RELN: variants seen among roughly 807,000 people sequenced by gnomAD.
RELN encodes reelin.
Under a neutral mutation model 427.6 loss-of-function variants are expected in RELN, and 108 were observed. That is an observed-to-expected ratio of 0.25 (90% confidence interval 0.22 to 0.30). RELN has a LOEUF of 0.30. RELN is among the 10% of genes least tolerant of loss of function. The pLI is 1.00. For synonymous variants in RELN, 1,524 were observed against 1,513.4 expected (o/e 1.01, Z -0.16); for missense variants, 3,715 against 4,302.8 (o/e 0.86, Z 3.82).
chr7:103,851,172 A>G (rs1193952534), intron 2 of RELN, among the ~76,000 whole-genome samples: 4 of 152,244 alleles, frequency 2.6e-5, no homozygotes, highest in South Asian at 4.1e-4. Context: ...GAATGAACTA[A>G]CAGCATTTGC....
At chr7:103,883,667 T>A (rs929586906) in intron 2 of RELN, among the ~76,000 whole-genome samples, 4 of 152,048 alleles carry the variant, frequency 2.6e-5, no homozygotes, top group African/African-American at 9.7e-5. Flanking sequence ...AAATCATGAG[T>A]GAACTACCAT....
In RELN at chr7:103,857,307, G is replaced by T. The variant is rs1006577834; in HGVS notation, c.338-23635C>A. ...AATTTTATGAATGTTTTTAAGAAAT[G>T]AGGAGAGCACCATAGCAGTATTGTG... is the stretch of plus-strand genomic sequence containing the variant. On this transcript the variant is annotated intron_variant, in intron 2 of 64. Coordinates refer to ENST00000428762, the MANE Select transcript of RELN (RefSeq NM_005045.4). Among the ~76,000 whole-genome samples, 3 of 152,192 alleles carry T rather than the reference G, an allele frequency of 2.0e-5. 1 individual carries two copies. In the South Asian group the frequency reaches 6.2e-4, roughly 32 times the overall value.
At chr7:103,689,272 C>T (rs1225303273) in intron 10 of RELN, among the ~76,000 whole-genome samples, 1 of 150,666 alleles carries the variant, frequency 6.6e-6, no homozygotes, top group African/African-American at 2.5e-5. Context: ...AAAAGATTAG[C>T]AGGTGCAGGC....
chr7:103,860,588 CAGT>C (rs1212841731), intron 2 of RELN, among the ~76,000 whole-genome samples: 22 of 152,112 alleles, frequency 1.4e-4, no homozygotes, highest in African/African-American at 5.3e-4. Context: ...ATAGCAGCAG[CAGT>C]ATGGCAGACG....
At chr7:103,958,858 G>A (rs73405640) in intron 1 of RELN, among the ~76,000 whole-genome samples, 5,210 of 152,226 alleles carry the variant, frequency 0.034, 281 homozygotes, top group African/African-American at 0.12. Flanking sequence ...AACAAAGTGA[G>A]GTCTGAGGCT....
intron 46 of RELN, among the ~76,000 whole-genome samples, chr7:103,529,856 AATTT>A (rs1405775299): frequency 3.3e-5 from 5 of 152,168 alleles, no homozygotes; most frequent in African/African-American, 1.2e-4. Flanking sequence ...GAAACTTTTA[AATTT>A]ATTACTCTCT....
chr7:103,699,445 C>T (rs1834045649), intron 9 of RELN, among the ~76,000 whole-genome samples: 2 of 152,082 alleles, frequency 1.3e-5, no homozygotes, highest in Non-Finnish European at 1.5e-5. Flanking sequence ...TTCACTCTAA[C>T]CTCCACTGGT....
chr7:103,539,099 A>C lies in RELN; in HGVS notation c.7159T>G (p.Ser2387Ala). 1 of 1,614,186 alleles carries C rather than the reference A, an allele frequency of 6.2e-7. No individual in the cohort carries two copies. The highest frequency in any genetic ancestry group is 8.5e-7 in the Non-Finnish European group (1 of 1,180,016). Residue 2387 changes from serine to alanine, a missense_variant, in exon 45 of 65, where the codon TCA (serine) becomes GCA (alanine). By Grantham distance (99) the Ser-to-Ala change is moderately conservative. Around this residue, in one of 4 missense-constraint regions of RELN, gnomAD observed 1,310 missense variants for 1,643.0 expected, o/e 0.80. Transcript: ENST00000428762. ...TCACCATAACAAGAGTCTGTGACTG[A>C]GCAGGAGGCAGCGAAGTCTATCTGT... ...FLQIDFAASC[S>A]VTDSCYAIEL...
chr7:103,598,938 G>A (rs566624025), intron 24 of RELN, among the ~76,000 whole-genome samples: 4 of 152,240 alleles, frequency 2.6e-5, no homozygotes, highest in Non-Finnish European at 5.9e-5. Flanking sequence ...GTGTGTGTGC[G>A]CATATGTGTT....
Position 103,589,816 on chromosome 7 carries a change from A to T in RELN, c.3925T>A (p.Cys1309Ser). 1 of 1,602,874 alleles carries T rather than the reference A, an allele frequency of 6.2e-7. No individual in the cohort carries two copies. Among genetic ancestry groups the T allele is most frequent in the Non-Finnish European group, 8.5e-7 (1 of 1,169,752 alleles). ...YVLQFKLNIG[C>S]ANQFSSTAPV... ...GCAGTACTGCTGAATTGATTGGCAC[A>T]ACCTATGTTTAGCTGTTAAAAGGAA... Residue 1309 changes from cysteine (C) to serine (S), a missense_variant, in exon 28 of 65, where the codon TGT becomes AGT. Transcript: ENST00000428762.
rs1830947525 is a variant in RELN, at chr7:103,574,262, G to A, written c.4341C>T (p.His1447=). The stretch of plus-strand genomic sequence containing the variant: ...CCTCAAACCTATCGAACATCTCATT[G>A]TGATTGGGGACATTTGACACACAGG... ...QGTCVSNVPN[H]NEMFDRFEGK... Residue 1447 remains histidine (H), a synonymous_variant, in exon 30 of 65, where the codon CAC becomes CAT. Transcript: ENST00000428762. The A allele has an allele frequency of 6.2e-7, 1 of 1,613,992 alleles. No homozygotes were observed. The highest frequency in any genetic ancestry group is 1.3e-5 in the African/African-American group (1 of 74,912).
intron 6 of RELN, among the ~76,000 whole-genome samples, chr7:103,737,478 G>A (rs1790524245): frequency 6.6e-6 from 1 of 152,142 alleles, no homozygotes; most frequent in Non-Finnish European, 1.5e-5. Context: ...TGGCATGGGG[G>A]TTGTCCAAGA....
intron 2 of RELN, among the ~76,000 whole-genome samples, chr7:103,877,363 C>G (rs1030969941): frequency 6.6e-6 from 1 of 152,134 alleles, no homozygotes; most frequent in African/African-American, 2.4e-5. Flanking sequence ...TGCTCCCTGC[C>G]AGAGTGAAGA....
At chr7:103,564,740 G>A (rs558625045) in intron 34 of RELN, among the ~76,000 whole-genome samples, 2 of 152,160 alleles carry the variant, frequency 1.3e-5, no homozygotes, top group South Asian at 2.1e-4. Context: ...CACAGTACCC[G>A]TTAGTTCCCA....
intron 3 of RELN, among the ~76,000 whole-genome samples, chr7:103,815,574 T>G (rs1436995823): frequency 6.6e-6 from 1 of 152,218 alleles, no homozygotes; most frequent in Non-Finnish European, 1.5e-5. Flanking sequence ...ATTTTGACAA[T>G]TTTATATTTA....
At chr7:103,961,010 C>A (rs1358552313) in intron 1 of RELN, among the ~76,000 whole-genome samples, 1 of 152,188 alleles carries the variant, frequency 6.6e-6, no homozygotes, top group African/African-American at 2.4e-5. Flanking sequence ...ATTGTTAGGG[C>A]AGATGAATTT....
chr7:103,577,100 CTT>C (rs1202326644), intron 28 of RELN, among the ~76,000 whole-genome samples: 1 of 152,090 alleles, frequency 6.6e-6, no homozygotes, highest in African/African-American at 2.4e-5. Context: ...TATTTATAGA[CTT>C]TTGAGTTAAT....
chr7:103,900,036 T>C (rs1418696432), intron 2 of RELN, among the ~76,000 whole-genome samples: 5 of 152,186 alleles, frequency 3.3e-5, no homozygotes, highest in Non-Finnish European at 5.9e-5. Flanking sequence ...CATGATTGTA[T>C]ATTTAGAAAA....
intron 4 of RELN, among the ~76,000 whole-genome samples, chr7:103,758,944 C>T (rs1198324281): frequency 6.6e-6 from 1 of 151,826 alleles, no homozygotes; most frequent in Non-Finnish European, 1.5e-5. Context: ...TTCCTAGATG[C>T]TTGAGTATTA....
Sources: gnomAD v4.1 joint callset for allele counts (sites outside exome capture counted in the v4.1 genomes callset) on GRCh38, gnomAD v4.1.1 for gene constraint, gnomAD v4.1.1 regional missense constraint, MANE v1.5 for transcripts, NCBI Gene and HGNC (gene_info 2026-07-23, HGNC 2026-07-21) for gene names.